FSTL5: variants seen among roughly 807,000 people sequenced by gnomAD.
FSTL5 encodes follistatin like 5.
FSTL5 carries 62 observed loss-of-function variants against 89.1 expected under a neutral mutation model. The ratio of observed to expected loss-of-function variants is 0.70; its 90% CI spans 0.57 to 0.86. FSTL5 has a LOEUF of 0.86. Among genes scored for constraint, FSTL5 ranks in the 40% least tolerant of loss-of-function variants. The pLI is 0.00. For synonymous variants in FSTL5, 383 were observed against 346.2 expected (o/e 1.11, Z -1.18); for missense variants, 1,057 against 1,001.6 (o/e 1.06, Z -0.75).
chr4:161,518,800 T>G (rs553312731), intron 10 of FSTL5, among the ~76,000 whole-genome samples: 1 of 152,312 alleles, frequency 6.6e-6, no homozygotes, highest in East Asian at 1.9e-4. Context: ...CTTAGTGGCT[T>G]AAAACAACAA....
chr4:161,503,640 A>G (rs28653519), intron 11 of FSTL5, among the ~76,000 whole-genome samples: 4,926 of 151,872 alleles, frequency 0.032, 258 homozygotes, highest in African/African-American at 0.11. Context: ...GTGTTTTTCA[A>G]TACACCTTTG....
chr4:161,854,223 A>G (rs1731648920), intron 4 of FSTL5, among the ~76,000 whole-genome samples: 1 of 152,154 alleles, frequency 6.6e-6, no homozygotes, highest in African/African-American at 2.4e-5. Flanking sequence ...TCACTGAGGA[A>G]AGAAAAAAGA....
chr4:162,054,895 T>C (rs1356679129), intron 2 of FSTL5, among the ~76,000 whole-genome samples: 1 of 151,860 alleles, frequency 6.6e-6, no homozygotes, highest in East Asian at 1.9e-4. Context: ...GTTGCAAAAC[T>C]ACCTTTTGTC....
intron 8 of FSTL5, among the ~76,000 whole-genome samples, chr4:161,545,373 A>AAAT (rs1731968164): frequency 6.6e-6 from 1 of 152,050 alleles, no homozygotes; most frequent in Non-Finnish European, 1.5e-5. Context: ...GTAATTTAAA[A>AAAT]AATAATAAGA....
At chr4:162,143,717 TACAC>T (rs138130575) in intron 1 of FSTL5, among the ~76,000 whole-genome samples, 1 of 5,928 alleles carries the variant, frequency 1.7e-4, no homozygotes, top group African/African-American at 4.1e-4. Context: ...TATCTGACTT[TACAC>T]ACACACACAC....
chr4:161,732,140 CATA>C (rs1359781655), intron 6 of FSTL5, among the ~76,000 whole-genome samples: 1 of 152,032 alleles, frequency 6.6e-6, no homozygotes, highest in East Asian at 1.9e-4. Context: ...TTCAGCAGTG[CATA>C]ATAATTTCAG....
At chr4:161,546,436 C>T (rs1165102848) in intron 8 of FSTL5, among the ~76,000 whole-genome samples, 4 of 151,076 alleles carry the variant, frequency 2.6e-5, no homozygotes, top group African/African-American at 9.7e-5. Context: ...AGAAAGGTGA[C>T]ACATAGACAT....
chr4:161,604,981 A>C (rs1428826958), intron 7 of FSTL5, among the ~76,000 whole-genome samples: 3 of 152,174 alleles, frequency 2.0e-5, no homozygotes, highest in Non-Finnish European at 2.9e-5. Flanking sequence ...GATTTAGAGG[A>C]TAGAGGCAAT....
chr4:161,525,741 G>A (rs897494924), intron 10 of FSTL5, among the ~76,000 whole-genome samples: 5 of 152,126 alleles, frequency 3.3e-5, no homozygotes, highest in African/African-American at 1.2e-4. Context: ...CCAAAGGGCA[G>A]TAAAACGAAC....
At chr4:161,916,766 A>G (rs28529533) in intron 4 of FSTL5, among the ~76,000 whole-genome samples, 63 of 152,238 alleles carry the variant, frequency 4.1e-4, no homozygotes, top group African/African-American at 1.4e-3. Flanking sequence ...AATAATAATA[A>G]AAAATGCTAA....
At chr4:161,587,294 G>T (rs1488661059) in intron 8 of FSTL5, among the ~76,000 whole-genome samples, 161 bp downstream of exon 8, 136 of 149,372 alleles carry the variant, frequency 9.1e-4, no homozygotes, top group African/African-American at 3.2e-3. Flanking sequence ...TGGAAATTTT[G>T]TGTTTTTTTT....
intron 14 of FSTL5, among the ~76,000 whole-genome samples, chr4:161,458,792 A>C (rs1179291058): frequency 3.3e-5 from 5 of 152,178 alleles, no homozygotes; most frequent in Admixed American, 6.5e-5. Context: ...TAACACCACT[A>C]TTCTTCCTTT....
At chr4:161,798,032 T>C (rs1729686345) in intron 4 of FSTL5, among the ~76,000 whole-genome samples, 1 of 151,672 alleles carries the variant, frequency 6.6e-6, no homozygotes, top group African/African-American at 2.4e-5. Context: ...GTTTGAGTTA[T>C]TTCTCTGAGT....
intron 3 of FSTL5, among the ~76,000 whole-genome samples, chr4:161,996,399 T>C (rs1253875149): frequency 6.6e-6 from 1 of 152,162 alleles, no homozygotes; most frequent in Non-Finnish European, 1.5e-5. Context: ...CTTCCTTTCC[T>C]CTCACAACCA....
rs540689465 is a variant in FSTL5, at chr4:161,467,374, T to G, written c.1609-8055A>C. Among the ~76,000 whole-genome samples the G allele has an allele frequency of 3.3e-5, 5 of 152,258 alleles. No individual in the cohort carries two copies. In the South Asian group the frequency reaches 1.0e-3, roughly 32 times the overall value. On this transcript the variant is annotated intron_variant, in intron 13 of 15. Coordinates refer to ENST00000306100, the MANE Select transcript of FSTL5 (RefSeq NM_020116.5). ...ATTTGGATACAAAAAAGTCTAACTT[T>G]GAATCTAGGCTTAGTTGACAAAAGT...
intron 15 of FSTL5, among the ~76,000 whole-genome samples, chr4:161,437,300 C>G (rs1267798370): frequency 6.6e-6 from 1 of 152,060 alleles, no homozygotes; most frequent in Non-Finnish European, 1.5e-5. Context: ...GGCGCAGTGG[C>G]TCACGCCTGT....
At chr4:161,848,715 G>T (rs532115648) in intron 4 of FSTL5, among the ~76,000 whole-genome samples, 1 of 152,134 alleles carries the variant, frequency 6.6e-6, no homozygotes, top group South Asian at 2.1e-4. Context: ...CCATATCGTC[G>T]TCATTTGGGG....
At chr4:161,428,665 C>T (rs971898043) in intron 15 of FSTL5, among the ~76,000 whole-genome samples, 1 of 151,982 alleles carries the variant, frequency 6.6e-6, no homozygotes, top group African/African-American at 2.4e-5. Context: ...GCAGTCTGGG[C>T]AAGACTCATC....
chr4:161,601,718 CAATT>C (rs1247575145), intron 7 of FSTL5, among the ~76,000 whole-genome samples: 1 of 152,032 alleles, frequency 6.6e-6, no homozygotes, highest in Non-Finnish European at 1.5e-5. Context: ...AGAATTTTAT[CAATT>C]AATACAGCTC....
Sources: gnomAD v4.1 joint callset for allele counts (sites outside exome capture counted in the v4.1 genomes callset) on GRCh38, gnomAD v4.1.1 for gene constraint, MANE v1.5 for transcripts, NCBI Gene and HGNC (gene_info 2026-07-23, HGNC 2026-07-21) for gene names.